The following SAMD5 variants were observed in gnomAD, a reference collection of about 807,000 sequenced individuals.
SAMD5 encodes the protein sterile alpha motif domain-containing protein 5.
In SAMD5, 13 loss-of-function variants were observed where a neutral mutation model predicts 11.3. That is an observed-to-expected ratio of 1.15 (90% CI 0.75 to 1.83). The LOEUF (loss-of-function observed/expected upper bound fraction) is 1.83, where lower values mean the gene tolerates loss of function less well. Ranked by LOEUF, SAMD5 falls within the 40% of genes most tolerant of loss-of-function variation. The pLI, the probability that SAMD5 is intolerant of heterozygous loss-of-function variation, is 0.00. For synonymous variants in SAMD5, 129 were observed against 111.3 expected (o/e 1.16, Z -1.00); for missense variants, 255 against 239.1 (o/e 1.07, Z -0.44).
chr6:147,879,952 C>T, the SAMD5 span, among the ~76,000 whole-genome samples: 1 of 152,146 alleles, frequency 6.6e-6, no homozygotes, highest in Admixed American at 6.5e-5. Flanking sequence ...TCAAGACAAC[C>T]CTTACCCCTT....
chr6:147,586,152 A>C (rs1429771235), intron 1 of SAMD5, among the ~76,000 whole-genome samples: 1 of 152,206 alleles, frequency 6.6e-6, no homozygotes, highest in Non-Finnish European at 1.5e-5. Flanking sequence ...AGAAAGCCCC[A>C]ATATTTACAT....
the SAMD5 span, among the ~76,000 whole-genome samples, chr6:147,852,931 A>G: frequency 6.6e-6 from 1 of 152,160 alleles, no homozygotes; most frequent in African/African-American, 2.4e-5. Context: ...CAACTTTTAC[A>G]TTTATTTTTC....
At chr6:147,611,749 C>T (rs996754193) in intron 1 of SAMD5, among the ~76,000 whole-genome samples, 2 of 152,142 alleles carry the variant, frequency 1.3e-5, no homozygotes, top group African/African-American at 4.8e-5. Flanking sequence ...GGAACAGAGA[C>T]TCCTCAGAGT....
At chr6:147,912,364 A>G in the SAMD5 span, among the ~76,000 whole-genome samples, 3 of 152,352 alleles carry the variant, frequency 2.0e-5, no homozygotes, top group South Asian at 6.2e-4. Context: ...TATCCAGCCC[A>G]GTCCCCTCAA....
chr6:147,860,561 C>T, the SAMD5 span, among the ~76,000 whole-genome samples: 1 of 152,188 alleles, frequency 6.6e-6, no homozygotes, highest in Non-Finnish European at 1.5e-5. Context: ...TCCACCTGTG[C>T]ATCTTTGAAC....
chr6:147,565,307 G>C lies in SAMD5; in HGVS notation c.*851G>C. On this transcript the variant is annotated 3_prime_UTR_variant, in exon 2 of 2. Transcript: ENST00000367474. Reference sequence around the variant, plus strand: ...TCTCCAGGCTTCTGACTTCAGGCCTGTGGGGGCCGGGAGGTGGGCAGCGGC... The same window carrying C: ...TCTCCAGGCTTCTGACTTCAGGCCTCTGGGGGCCGGGAGGTGGGCAGCGGC... The C allele has an allele frequency of 1.0e-6, 1 of 985,958 alleles. No homozygotes were observed. The highest frequency in any genetic ancestry group is 1.2e-6 in the Non-Finnish European group (1 of 829,984). The allele number at this position is 985,958 out of a possible 1,614,324, so 61.1% of individuals were successfully genotyped here. A position where few individuals can be genotyped will look rare whatever the true frequency, so the allele number is the denominator to read the frequency against.
At chr6:147,773,980 C>T in the SAMD5 span, among the ~76,000 whole-genome samples, 2 of 152,076 alleles carry the variant, frequency 1.3e-5, no homozygotes, top group Admixed American at 1.3e-4. Context: ...GTAGCTGGGA[C>T]TACAGACATG....
At chr6:147,735,291 A>G (rs1156839746) in intron 1 of SAMD5, among the ~76,000 whole-genome samples, 2 of 152,238 alleles carry the variant, frequency 1.3e-5, no homozygotes, top group Non-Finnish European at 2.9e-5. Context: ...GTTGTCAAAG[A>G]CAGCTATTAT....
intron 1 of SAMD5, among the ~76,000 whole-genome samples, chr6:147,720,804 C>A (rs980374342): frequency 1.3e-5 from 2 of 148,548 alleles, no homozygotes; most frequent in African/African-American, 5.0e-5. Flanking sequence ...CCCACTAACT[C>A]GTCATCTAGC....
At chr6:147,835,385 C>A in the SAMD5 span, among the ~76,000 whole-genome samples, 1 of 152,130 alleles carries the variant, frequency 6.6e-6, no homozygotes, top group Non-Finnish European at 1.5e-5. Flanking sequence ...TCAAAGGGGG[C>A]ATCAGTTTTC....
At chr6:147,739,699 A>G (rs368728782), downstream of SAMD5, among the ~76,000 whole-genome samples, 10 of 152,374 alleles carry the variant, frequency 6.6e-5, no homozygotes, top group African/African-American at 2.4e-4. Flanking sequence ...GTGATTTACT[A>G]ATCAAATAGA....
At chr6:147,847,426 C>G in the SAMD5 span, among the ~76,000 whole-genome samples, 8 of 152,106 alleles carry the variant, frequency 5.3e-5, no homozygotes, top group Admixed American at 5.2e-4. Context: ...TAAAAAAAAC[C>G]CACCTCAGTA....
chr6:147,911,237 A>G, the SAMD5 span, among the ~76,000 whole-genome samples: 1 of 152,188 alleles, frequency 6.6e-6, no homozygotes, highest in East Asian at 1.9e-4. Flanking sequence ...TGGCTACGTC[A>G]ATGCTGTAGC....
chr6:147,654,370 T>A (rs927090423), intron 1 of SAMD5, among the ~76,000 whole-genome samples: 1 of 152,152 alleles, frequency 6.6e-6, no homozygotes, highest in African/African-American at 2.4e-5. Flanking sequence ...CTCCGCTAAG[T>A]AGTCTGAGAA....
rs1583087820 is a variant in SAMD5, at chr6:147,568,272, T to C, written c.*3816T>C. ...GGACTGGAAAGCACCTGCTTGAAAATTGATATGAGCATGTCTGAATTTTTC... is the reference window on the plus strand; with the variant it reads ...GGACTGGAAAGCACCTGCTTGAAAACTGATATGAGCATGTCTGAATTTTTC... On this transcript the variant is annotated 3_prime_UTR_variant, in exon 2 of 2. Coordinates refer to ENST00000367474, the MANE Select transcript of SAMD5 (RefSeq NM_001030060.3). 2.0e-6 allele frequency: 2 copies of C among 985,274 alleles called. No individual in the cohort carries two copies. The highest frequency in any genetic ancestry group is 1.2e-6 in the Non-Finnish European group (1 of 829,902). 61.0% of individuals were successfully genotyped at this position (985,274 alleles called of 1,614,324 possible). A position where few individuals can be genotyped will look rare whatever the true frequency, so the allele number is the denominator to read the frequency against.
chr6:147,932,416 G>A, the SAMD5 span, among the ~76,000 whole-genome samples: 2 of 152,046 alleles, frequency 1.3e-5, no homozygotes, highest in African/African-American at 2.4e-5. Context: ...CCCACAAAGT[G>A]GTGTGCAGTT....
chr6:147,586,108 T>A (rs1489244197), intron 1 of SAMD5, among the ~76,000 whole-genome samples: 1 of 152,120 alleles, frequency 6.6e-6, no homozygotes, highest in Non-Finnish European at 1.5e-5. Context: ...TATCTGCCAG[T>A]CATCTGGGCT....
At chr6:147,842,707 A>G in the SAMD5 span, among the ~76,000 whole-genome samples, 4 of 152,168 alleles carry the variant, frequency 2.6e-5, no homozygotes, top group African/African-American at 9.7e-5. Flanking sequence ...GCCCAGTAGT[A>G]TTTGTAGTAC....
rs568444737 is a variant in SAMD5, at chr6:147,543,891, G to A, written c.460-20503G>A. Among the ~76,000 whole-genome samples the A allele has an allele frequency of 1.1e-4, 16 of 152,254 alleles. No individual in the cohort carries two copies. The East Asian group carries it at 2.7e-3, about 26-fold the overall frequency. Reference sequence around the variant, plus strand: ...AGGAGAGTGTAAAAGACAAGCAGACGTGTAGCGTGGGAAAGGAACGTTTAA... The same window carrying A: ...AGGAGAGTGTAAAAGACAAGCAGACATGTAGCGTGGGAAAGGAACGTTTAA... On this transcript the variant is annotated intron_variant, in intron 1 of 1. Transcript: ENST00000367474.
Sources: allele counts gnomAD v4.1 joint callset (sites outside exome capture counted in the v4.1 genomes callset), GRCh38; gene constraint gnomAD v4.1.1; transcripts MANE v1.5; gene names NCBI Gene and HGNC (gene_info 2026-07-23, HGNC 2026-07-21).